Variants in PTK2 observed in about 807,000 individuals in gnomAD.
PTK2 encodes the protein protein tyrosine kinase 2.
A neutral mutation model predicts 150.1 loss-of-function variants in PTK2; 45 were observed. That is an observed-to-expected ratio of 0.30 (90% CI 0.24 to 0.38). The LOEUF is 0.38. PTK2 is among the 10% of genes least tolerant of loss of function. The pLI is 1.00. For synonymous variants in PTK2, 432 were observed against 449.2 expected, an observed-to-expected ratio of 0.96 and a Z score of 0.48; for missense variants, 919 against 1,307.3, an observed-to-expected ratio of 0.70 and a Z score of 4.58.
chr8:140,833,171 C>A (rs2100116555), intron 7 of PTK2: 1 of 407,866 alleles, frequency 2.5e-6, no homozygotes, highest in African/African-American at 2.1e-5. Context: ...GAAGACAACT[C>A]CATTAAAAAA....
chr8:140,754,942 T>C (rs915241758), intron 16 of PTK2, among the ~76,000 whole-genome samples: 1 of 152,170 alleles, frequency 6.6e-6, no homozygotes, highest in South Asian at 2.1e-4. Flanking sequence ...TTACTCAAAA[T>C]AGATTTTTAA....
At chr8:140,735,328 G>T in exon 22 of PTK2, 1 of 1,614,138 alleles carries the variant, frequency 6.2e-7, no homozygotes, top group East Asian at 2.2e-5. Flanking sequence ...TAAGGCTGTA[G>T]AGGGTAGGAG....
intron 1 of PTK2, among the ~76,000 whole-genome samples, chr8:140,975,604 G>C (rs570010234): frequency 5.3e-5 from 8 of 152,252 alleles, no homozygotes; most frequent in East Asian, 3.9e-4. Context: ...GTTGAGGAGA[G>C]GGGGGAGGGG....
intron 2 of PTK2, among the ~76,000 whole-genome samples, chr8:140,903,193 C>T (rs931259575): frequency 6.6e-6 from 1 of 152,036 alleles, no homozygotes; most frequent in Non-Finnish European, 1.5e-5. Flanking sequence ...CAGTTTTCTA[C>T]ATATGGCTAG....
At chr8:140,773,507 CAGG>C (rs1566062454) in intron 14 of PTK2, among the ~76,000 whole-genome samples, 1 of 152,090 alleles carries the variant, frequency 6.6e-6, no homozygotes, top group Admixed American at 6.6e-5. Flanking sequence ...CAAAGACTTC[CAGG>C]AGGAGAGGGA....
intron 1 of PTK2, among the ~76,000 whole-genome samples, chr8:140,982,904 T>C (rs1415436066): frequency 1.3e-5 from 2 of 152,234 alleles, no homozygotes; most frequent in Non-Finnish European, 1.5e-5. Flanking sequence ...TGTTTCTGTA[T>C]ATGTTTGAAA....
intron 5 of PTK2, among the ~76,000 whole-genome samples, chr8:140,856,412 TTCA>T (rs1370319910): frequency 2.6e-5 from 4 of 152,082 alleles, no homozygotes; most frequent in African/African-American, 4.8e-5. Context: ...AGTCCAGATG[TTCA>T]TCAACAGAAA....
intron 14 of PTK2, among the ~76,000 whole-genome samples, chr8:140,776,436 G>T (rs527327890): frequency 6.6e-6 from 1 of 152,276 alleles, no homozygotes; most frequent in South Asian, 2.1e-4. Flanking sequence ...CTATGACTTG[G>T]TCTTCTAAAT....
chr8:140,803,644 G>A, exon 11 of PTK2: 2 of 1,612,428 alleles, frequency 1.2e-6, no homozygotes, highest in Non-Finnish European at 1.7e-6. Flanking sequence ...TCAGCAAGAT[G>A]TGTGGGCTAT....
At chr8:140,745,266 A>G (rs1029445180) in intron 18 of PTK2, among the ~76,000 whole-genome samples, 1 of 152,220 alleles carries the variant, frequency 6.6e-6, no homozygotes, top group African/African-American at 2.4e-5. Flanking sequence ...TGGATGCAGA[A>G]GCACAGAACA....
intron 4 of PTK2, among the ~76,000 whole-genome samples, chr8:140,865,844 C>T (rs1276993410): frequency 6.6e-6 from 1 of 152,166 alleles, no homozygotes; most frequent in Non-Finnish European, 1.5e-5. Flanking sequence ...AGTGCAGTGG[C>T]ACAATCTCGG....
chr8:140,714,874 T>C (rs1457603410), intron 23 of PTK2, among the ~76,000 whole-genome samples: 1 of 144,636 alleles, frequency 6.9e-6, no homozygotes, highest in African/African-American at 2.5e-5. Flanking sequence ...TTATGAAAAC[T>C]CACCAGAATC....
At chr8:140,766,970 C>T (rs1361125819) in intron 14 of PTK2, among the ~76,000 whole-genome samples, 1 of 152,176 alleles carries the variant, frequency 6.6e-6, no homozygotes, top group Non-Finnish European at 1.5e-5. Context: ...AGTAACTCCT[C>T]TGATTGTTTT....
chr8:140,747,493 G>A (rs1453942214), intron 17 of PTK2, among the ~76,000 whole-genome samples: 12 of 15,526 alleles, frequency 7.7e-4, no homozygotes, highest in African/African-American at 5.8e-3. Flanking sequence ...AGAGGAGGGG[G>A]AAGAGGAGGA....
chr8:140,674,111 G>A (rs748526949), intron 29 of PTK2, 187 bp downstream of exon 32: 4 of 749,872 alleles, frequency 5.3e-6, no homozygotes, highest in Non-Finnish European at 9.7e-6. Flanking sequence ...TTTGCATAAA[G>A]CTTTTCCCTG....
intron 22 of PTK2, among the ~76,000 whole-genome samples, chr8:140,722,535 T>C (rs1447431625): frequency 6.6e-6 from 1 of 152,170 alleles, no homozygotes; most frequent in Non-Finnish European, 1.5e-5. Context: ...CTCAAAGTAT[T>C]GGGATTACAG....
intron 27 of PTK2, among the ~76,000 whole-genome samples, chr8:140,679,286 A>T (rs1280935341): frequency 6.6e-6 from 1 of 151,886 alleles, no homozygotes; most frequent in Middle Eastern, 3.2e-3. Context: ...CGGCCTCCCA[A>T]AATACTGTGA....
At chr8:140,855,311 G>A (rs1201393365) in intron 5 of PTK2, among the ~76,000 whole-genome samples, 2 of 152,042 alleles carry the variant, frequency 1.3e-5, no homozygotes, top group African/African-American at 4.8e-5. Context: ...AAAAGGGGGG[G>A]GTCGCCACGT....
intron 8 of PTK2, among the ~76,000 whole-genome samples, chr8:140,827,703 T>C (rs774725299): frequency 6.6e-6 from 1 of 152,206 alleles, no homozygotes; most frequent in Non-Finnish European, 1.5e-5. Context: ...TTACTCATCA[T>C]ATTGCTGTTA....
Sources: gnomAD v4.1 joint callset for allele counts (sites outside exome capture counted in the v4.1 genomes callset) on GRCh38, gnomAD v4.1.1 for gene constraint, MANE v1.5 for transcripts, NCBI Gene and HGNC (gene_info 2026-07-23, HGNC 2026-07-21) for gene names.